Variants in TRERF1 observed in about 807,000 individuals in gnomAD.
TRERF1 encodes the protein transcriptional-regulating factor 1.
A neutral mutation model predicts 122.9 loss-of-function variants in TRERF1; 27 were observed. That is an observed-to-expected ratio of 0.22 (90% confidence interval 0.16 to 0.30). The LOEUF (loss-of-function observed/expected upper bound fraction) is 0.30, where lower values mean the gene tolerates loss of function less well. Among genes scored for constraint, TRERF1 ranks in the 10% least tolerant of loss-of-function variants. TRERF1 has a pLI of 1.00. For synonymous variants in TRERF1, 636 were observed against 641.7 expected (o/e 0.99, Z 0.13); for missense variants, 1,248 against 1,560.3 (o/e 0.80, Z 3.37).
At chr6:42,347,603 C>T (rs1425047539) in intron 3 of TRERF1, among the ~76,000 whole-genome samples, 3 of 152,174 alleles carry the variant, frequency 2.0e-5, no homozygotes, top group Admixed American at 6.5e-5. Context: ...ACAGCAACCG[C>T]CCCAGCCACC....
chr6:42,237,618 T>C (rs1772552060), intron 15 of TRERF1, among the ~76,000 whole-genome samples: 1 of 152,192 alleles, frequency 6.6e-6, no homozygotes, highest in Non-Finnish European at 1.5e-5. Context: ...TTAATGCACG[T>C]GGGTTCCAGT....
At chr6:42,246,474 A>G in exon 14 of TRERF1, 1 of 1,594,630 alleles carries the variant, frequency 6.3e-7, no homozygotes. Flanking sequence ...GTACAAAAAT[A>G]AAGTCTTTGC....
chr6:42,338,361 C>A (rs1044093407), intron 3 of TRERF1, among the ~76,000 whole-genome samples: 1 of 152,112 alleles, frequency 6.6e-6, no homozygotes, highest in African/African-American at 2.4e-5. Context: ...GAAAAGGAGA[C>A]CTGGGTCACG....
At chr6:42,262,970 T>A (rs1778494613) in intron 8 of TRERF1, among the ~76,000 whole-genome samples, 1 of 152,224 alleles carries the variant, frequency 6.6e-6, no homozygotes, top group Non-Finnish European at 1.5e-5. Flanking sequence ...GACTTCCATA[T>A]TTCAATAATG....
rs1270340173 is a variant in TRERF1, at chr6:42,228,307, C to T, written c.*38G>A. On this transcript the variant is annotated 3_prime_UTR_variant, in exon 18 of 18. Coordinates refer to ENST00000372922, the Ensembl canonical transcript of TRERF1. The surrounding 1 kb of genome is among the most constrained non-coding windows in gnomAD (Gnocchi z 4.2). The stretch of plus-strand genomic sequence containing the variant: ...GTTTCCTGATTAATGAAGATGGAGG[C>T]CGTGGGTTTTCACTGTCTCTAAGTG... 3 of 1,532,810 alleles carry T rather than the reference C, an allele frequency of 2.0e-6. No homozygotes were observed. The highest frequency in any genetic ancestry group is 2.3e-5 in the East Asian group (1 of 43,800). 95.0% of individuals were successfully genotyped at this position (1,532,810 alleles called of 1,614,324 possible).
chr6:42,268,190 C>T lies in TRERF1; in HGVS notation c.1401G>A (p.Gln467=). Residue 467 remains glutamine, a synonymous_variant, in exon 5 of 18, where the codon CAG becomes CAA. Coordinates refer to ENST00000372922, the Ensembl canonical transcript of TRERF1. The surrounding 1 kb of genome is among the most constrained non-coding windows in gnomAD (Gnocchi z 4.4). ...TGGCACTGGGAGACAGCTGCTGATG[C>T]TGAGGCCCCATGTTGTTGAGGTGGA... The T allele has an allele frequency of 6.8e-7, 1 of 1,463,952 alleles. No homozygotes were observed. Among genetic ancestry groups the T allele is most frequent in the South Asian group, 1.6e-5 (1 of 61,538 alleles). 90.7% of individuals were successfully genotyped at this position (1,463,952 alleles called of 1,614,324 possible).
At chr6:42,410,822 A>T (rs1044087201) in intron 2 of TRERF1, among the ~76,000 whole-genome samples, 4 of 152,156 alleles carry the variant, frequency 2.6e-5, no homozygotes, top group African/African-American at 9.7e-5. Flanking sequence ...TCATTCACCT[A>T]TTTATTTATT....
At chr6:42,342,150 T>G (rs939264606) in intron 3 of TRERF1, among the ~76,000 whole-genome samples, 3 of 152,230 alleles carry the variant, frequency 2.0e-5, no homozygotes, top group Non-Finnish European at 4.4e-5. Flanking sequence ...GAGGTAAAGA[T>G]TCCCACTGTC....
chr6:42,430,308 A>C (rs868271111), intron 2 of TRERF1, among the ~76,000 whole-genome samples: 11 of 152,132 alleles, frequency 7.2e-5, no homozygotes, highest in Admixed American at 5.2e-4. Context: ...GTGATGAGTT[A>C]TAAACTCAAA....
At chr6:42,314,877 A>G (rs961236645) in intron 3 of TRERF1, among the ~76,000 whole-genome samples, 3 of 152,230 alleles carry the variant, frequency 2.0e-5, no homozygotes, top group Non-Finnish European at 4.4e-5. Context: ...GAGATTCTAA[A>G]CGTGATTTTA....
At chr6:42,431,183 G>A (rs928822626) in intron 2 of TRERF1, among the ~76,000 whole-genome samples, 1 of 151,786 alleles carries the variant, frequency 6.6e-6, no homozygotes, top group Non-Finnish European at 1.5e-5. Context: ...CTTGTTTTTA[G>A]ACTAAAAATG....
intron 13 of TRERF1, among the ~76,000 whole-genome samples, chr6:42,254,120 G>C (rs902549461): frequency 6.6e-6 from 1 of 152,088 alleles, no homozygotes; most frequent in East Asian, 1.9e-4. Context: ...AATCTCATAG[G>C]TGTCTTCTAC....
At chr6:42,396,864 G>T (rs997126457) in intron 2 of TRERF1, among the ~76,000 whole-genome samples, 6 of 152,106 alleles carry the variant, frequency 3.9e-5, no homozygotes, top group African/African-American at 1.4e-4. Flanking sequence ...CGACAAGACA[G>T]GCACATCAGT....
chr6:42,440,390 G>A (rs1786286160), intron 2 of TRERF1, among the ~76,000 whole-genome samples: 1 of 152,154 alleles, frequency 6.6e-6, no homozygotes, highest in Non-Finnish European at 1.5e-5. Context: ...CCTTAAACAA[G>A]TTGCTGAAAC....
At chr6:42,427,012 G>A (rs1375813971) in intron 2 of TRERF1, among the ~76,000 whole-genome samples, 1 of 151,686 alleles carries the variant, frequency 6.6e-6, no homozygotes. Context: ...TAAGGGCTGG[G>A]CGCAGTGATT....
chr6:42,428,655 T>A (rs539803553), intron 2 of TRERF1, among the ~76,000 whole-genome samples: 11 of 152,322 alleles, frequency 7.2e-5, no homozygotes, highest in South Asian at 2.1e-4. Flanking sequence ...TTTGTTCATA[T>A]GGAAAAACCA....
At chr6:42,291,803 CCAAAGTG>C (rs1784370179) in intron 4 of TRERF1, among the ~76,000 whole-genome samples, 1 of 152,068 alleles carries the variant, frequency 6.6e-6, no homozygotes, top group Non-Finnish European at 1.5e-5. Context: ...CCTCGGCCTC[CCAAAGTG>C]CTGGGATTAC....
chr6:42,303,904 TAAAAAAAAA>T (rs60880174), intron 3 of TRERF1, among the ~76,000 whole-genome samples: 1 of 69,262 alleles, frequency 1.4e-5, no homozygotes, highest in South Asian at 5.9e-4. Context: ...CACTGTCTCA[TAAAAAAAAA>T]AAAAAAAAAA....
chr6:42,392,931 T>TACACACACACAC (rs58784390), intron 2 of TRERF1, among the ~76,000 whole-genome samples: 11,063 of 147,982 alleles, frequency 0.075, 681 homozygotes, highest in African/African-American at 0.17. Flanking sequence ...TACACACACA[T>TACACACACACAC]ACACACACAC....
Sources: gnomAD v4.1 joint callset for allele counts (sites outside exome capture counted in the v4.1 genomes callset) on GRCh38, gnomAD v4.1.1 for gene constraint, Gnocchi (gnomAD v3.1) non-coding constraint, MANE v1.5 for transcripts, NCBI Gene and HGNC (gene_info 2026-07-23, HGNC 2026-07-21) for gene names.